The following CALD1 variants were observed in gnomAD, a reference collection of about 807,000 sequenced individuals.
CALD1 encodes caldesmon 1.
A neutral mutation model predicts 99.9 loss-of-function variants in CALD1; 33 were observed. The ratio of observed to expected loss-of-function variants is 0.33; its 90% CI spans 0.25 to 0.44. The LOEUF (loss-of-function observed/expected upper bound fraction) is 0.44, where lower values mean the gene tolerates loss of function less well. Ranked by LOEUF, CALD1 falls within the 20% of genes least tolerant of loss-of-function variation. The pLI, the probability that CALD1 is intolerant of heterozygous loss-of-function variation, is 1.00. For missense variants in CALD1, 861 were observed against 962.1 expected (o/e 0.89, Z 1.39); for synonymous variants, 310 against 325.0 (o/e 0.95, Z 0.50).
intron 3 of CALD1, among the ~76,000 whole-genome samples, chr7:134,901,332 C>G (rs1802983558): frequency 1.3e-5 from 2 of 152,032 alleles, no homozygotes; most frequent in Non-Finnish European, 1.5e-5. Flanking sequence ...TACTGAATCT[C>G]TCTGAGTTTC....
At chr7:134,895,296 G>A (rs7456456) in intron 3 of CALD1, among the ~76,000 whole-genome samples, 1 of 108,084 alleles carries the variant, frequency 9.3e-6, no homozygotes, top group Non-Finnish European at 1.9e-5. Context: ...TTTTATATAT[G>A]TATGTGTGTG....
At chr7:134,894,429 T>C (rs1035893487) in intron 3 of CALD1, among the ~76,000 whole-genome samples, 3 of 152,248 alleles carry the variant, frequency 2.0e-5, no homozygotes, top group Non-Finnish European at 4.4e-5. Context: ...AAGTTTCCTA[T>C]TATTGAGTAA....
At chr7:134,742,450 C>T (rs185927790), upstream of CALD1, among the ~76,000 whole-genome samples, 1 of 152,312 alleles carries the variant, frequency 6.6e-6, no homozygotes, top group African/African-American at 2.4e-5. Flanking sequence ...TCCAGGCTCC[C>T]AGCCTCCCAG....
chr7:134,817,059 G>T (rs1798590623), intron 1 of CALD1, among the ~76,000 whole-genome samples: 1 of 152,160 alleles, frequency 6.6e-6, no homozygotes, highest in Non-Finnish European at 1.5e-5. Context: ...CTAGGATGTT[G>T]TTACTGCTTC....
the CALD1 span, among the ~76,000 whole-genome samples, chr7:134,717,443 C>T: frequency 6.6e-6 from 1 of 152,218 alleles, no homozygotes. Flanking sequence ...AATCGGAACA[C>T]ATTTCAGTTT....
chr7:134,792,743 G>A (rs979871437), intron 1 of CALD1, among the ~76,000 whole-genome samples: 5 of 152,076 alleles, frequency 3.3e-5, no homozygotes, highest in Non-Finnish European at 4.4e-5. Context: ...ATGAATACTC[G>A]GGGGAGATAC....
chr7:134,817,766 T>G (rs1798615141), intron 1 of CALD1, among the ~76,000 whole-genome samples: 2 of 152,182 alleles, frequency 1.3e-5, no homozygotes, highest in South Asian at 4.1e-4. Context: ...GAAAGCTAAG[T>G]GAAGTAGTAA....
At position 134,885,855 on chromosome 7, in the gene CALD1, G is replaced by A. The variant is rs542371931; in HGVS notation, c.71+18051G>A. On this transcript the variant is annotated intron_variant, in intron 3 of 14. Coordinates refer to ENST00000361675, the MANE Select transcript of CALD1 (RefSeq NM_033138.4). ...ATATAAAGCAGGTATTATTATTATCGTTTTCACCGAGACCAGAACCAGAAT... is the reference window on the plus strand; with the variant it reads ...ATATAAAGCAGGTATTATTATTATCATTTTCACCGAGACCAGAACCAGAAT... Among the ~76,000 whole-genome samples, 5 of 151,720 alleles carry A rather than the reference G, an allele frequency of 3.3e-5. No homozygotes were observed. The South Asian group carries it at 6.3e-4, about 19-fold the overall frequency.
intron 1 of CALD1, among the ~76,000 whole-genome samples, chr7:134,753,487 GA>G (rs1796702595): frequency 6.6e-6 from 1 of 152,146 alleles, no homozygotes. Context: ...GGGGAGTTTT[GA>G]AAAATACTGA....
At chr7:134,736,060 T>G in the CALD1 span, among the ~76,000 whole-genome samples, 100,808 of 152,032 alleles carry the variant, frequency 0.66, 33,955 homozygotes, top group East Asian at 0.89. Context: ...TTTTTCACAG[T>G]TTCTGGAGCC....
chr7:134,753,959 A>G (rs1299230977), intron 1 of CALD1, among the ~76,000 whole-genome samples: 1 of 152,126 alleles, frequency 6.6e-6, no homozygotes, highest in Non-Finnish European at 1.5e-5. Context: ...TGATTCAACC[A>G]TCTCAGTTAG....
chr7:134,718,578 GAGACAAGT>G, the CALD1 span, among the ~76,000 whole-genome samples: 1 of 152,142 alleles, frequency 6.6e-6, no homozygotes, highest in African/African-American at 2.4e-5. Context: ...GATGGGAGCA[GAGACAAGT>G]AGTAAAATAC....
At chr7:134,890,470 T>C (rs1386529311) in intron 3 of CALD1, among the ~76,000 whole-genome samples, 1 of 152,228 alleles carries the variant, frequency 6.6e-6, no homozygotes, top group Non-Finnish European at 1.5e-5. Context: ...AGTTGACTGC[T>C]TCTCCTGCTG....
chr7:134,793,879 C>G (rs1367123244), intron 1 of CALD1, among the ~76,000 whole-genome samples: 1 of 151,840 alleles, frequency 6.6e-6, no homozygotes, highest in Non-Finnish European at 1.5e-5. Flanking sequence ...CCCCAAGAAG[C>G]TTTATGTGTT....
the CALD1 span, among the ~76,000 whole-genome samples, chr7:134,713,229 C>A: frequency 6.6e-6 from 1 of 152,230 alleles, no homozygotes; most frequent in South Asian, 2.1e-4. Context: ...CTATTTAATG[C>A]CTGCCTAGAA....
Position 134,958,672 on chromosome 7 carries a change from G to A in CALD1, c.2061+382G>A, listed in dbSNP as rs368198043. On this transcript the variant is annotated intron_variant, in intron 11 of 14. Coordinates refer to ENST00000361675, the MANE Select transcript of CALD1 (RefSeq NM_033138.4). ...CCACCCGCCTTGGCCTCCCAAAGCCGAATGTGAGCCACCACACCTGGCCCC... is the reference window on the plus strand; with the variant it reads ...CCACCCGCCTTGGCCTCCCAAAGCCAAATGTGAGCCACCACACCTGGCCCC... Among the ~76,000 whole-genome samples, 277 of 151,598 alleles carry A rather than the reference G, an allele frequency of 1.8e-3. 3 individuals carry two copies. The highest frequency in any genetic ancestry group is 6.3e-3 in the African/African-American group (261 of 41,410).
At chr7:134,940,060 G>A (rs953146514) in intron 6 of CALD1, among the ~76,000 whole-genome samples, 3 of 152,110 alleles carry the variant, frequency 2.0e-5, no homozygotes, top group African/African-American at 7.2e-5. Flanking sequence ...GAACCTCCTA[G>A]GCCACAACAC....
intron 2 of CALD1, among the ~76,000 whole-genome samples, chr7:134,847,833 C>A (rs1199474577): frequency 1.3e-5 from 2 of 152,166 alleles, no homozygotes; most frequent in African/African-American, 4.8e-5. Flanking sequence ...GTCTAGAACT[C>A]CTTTCCAGGC....
chr7:134,852,099 C>T (rs1800107763), intron 2 of CALD1, among the ~76,000 whole-genome samples: 1 of 152,004 alleles, frequency 6.6e-6, no homozygotes, highest in Non-Finnish European at 1.5e-5. Flanking sequence ...AGTGATGGTA[C>T]AAAACATTTG....
Sources: gnomAD v4.1 joint callset for allele counts (sites outside exome capture counted in the v4.1 genomes callset) on GRCh38, gnomAD v4.1.1 for gene constraint, MANE v1.5 for transcripts, NCBI Gene and HGNC (gene_info 2026-07-23, HGNC 2026-07-21) for gene names.